Variants in MRTFA observed in about 807,000 individuals in gnomAD.
MRTFA encodes the protein myocardin-related transcription factor A.
A neutral mutation model predicts 83.5 loss-of-function variants in MRTFA; 20 were observed. The ratio of observed to expected loss-of-function variants is 0.24; its 90% CI spans 0.17 to 0.35. The LOEUF (loss-of-function observed/expected upper bound fraction) is 0.35, where lower values mean the gene tolerates loss of function less well. MRTFA is among the 10% of genes least tolerant of loss of function. The pLI, the probability that MRTFA is intolerant of heterozygous loss-of-function variation, is 1.00. For missense variants in MRTFA, 1,200 were observed against 1,224.7 expected (o/e 0.98, Z 0.30); for synonymous variants, 659 against 541.2 (o/e 1.22, Z -3.02).
intron 5 of MRTFA, among the ~76,000 whole-genome samples, chr22:40,434,528 G>A (rs889531153): frequency 1.6e-4 from 25 of 152,008 alleles, no homozygotes; most frequent in Non-Finnish European, 3.1e-4. Context: ...TTGAGACCAG[G>A]CTGGCCAACA....
intron 3 of MRTFA, among the ~76,000 whole-genome samples, chr22:40,535,231 T>C (rs1488860435): frequency 3.9e-5 from 6 of 152,112 alleles, no homozygotes; most frequent in Admixed American, 2.0e-4. Flanking sequence ...TGAGTCTACA[T>C]GACAGTCTGG....
chr22:40,464,507 TAA>T (rs571765005), intron 3 of MRTFA, among the ~76,000 whole-genome samples: 5 of 128,994 alleles, frequency 3.9e-5, no homozygotes, highest in East Asian at 2.2e-4. Flanking sequence ...AGACCCCGTC[TAA>T]AAAAAAAAAA....
intron 1 of MRTFA, among the ~76,000 whole-genome samples, chr22:40,599,586 G>A (rs1024526999): frequency 2.0e-5 from 3 of 152,070 alleles, no homozygotes; most frequent in African/African-American, 7.2e-5. Context: ...TAATTTAGGG[G>A]AAGAGAATGC....
chr22:40,451,559 CAA>C (rs764035436), intron 4 of MRTFA, among the ~76,000 whole-genome samples: 1 of 152,192 alleles, frequency 6.6e-6, no homozygotes, highest in Non-Finnish European at 1.5e-5. Context: ...CCCAAGAGTG[CAA>C]ACTGTTCCAG....
intron 1 of MRTFA, among the ~76,000 whole-genome samples, chr22:40,597,187 C>G (rs1201705075): frequency 6.6e-6 from 1 of 152,180 alleles, no homozygotes; most frequent in African/African-American, 2.4e-5. Context: ...AACAGGTGCT[C>G]ATTATATACT....
intron 1 of MRTFA, among the ~76,000 whole-genome samples, chr22:40,626,582 C>T (rs915402688): frequency 2.2e-4 from 34 of 152,128 alleles, no homozygotes; most frequent in African/African-American, 8.0e-4. Flanking sequence ...GCCCAGCCAA[C>T]CCTTACTTTT....
At chr22:40,493,869 G>T (rs2054308872) in intron 3 of MRTFA, among the ~76,000 whole-genome samples, 1 of 152,222 alleles carries the variant, frequency 6.6e-6, no homozygotes, top group Non-Finnish European at 1.5e-5. Context: ...ATTGTCTTTG[G>T]ATAATAGTGT....
chr22:40,624,120 A>G (rs2056553559), intron 1 of MRTFA, among the ~76,000 whole-genome samples: 2 of 152,140 alleles, frequency 1.3e-5, no homozygotes, highest in Non-Finnish European at 2.9e-5. Flanking sequence ...AAATTATTTC[A>G]ATTTAAAAAT....
intron 1 of MRTFA, among the ~76,000 whole-genome samples, chr22:40,627,793 A>G (rs115225922): frequency 0.013 from 1,950 of 152,250 alleles, 43 homozygotes; most frequent in African/African-American, 0.045. Flanking sequence ...AGCCTGGGGA[A>G]CACTGTGACA....
At chr22:40,463,308 G>A in intron 3 of MRTFA, 22 bp from the exon 4 acceptor site, 1 of 1,606,498 alleles carries the variant, frequency 6.2e-7, no homozygotes, top group Non-Finnish European at 8.5e-7. Context: ...CAGAGAGAGA[G>A]GAGAGATGAG....
chr22:40,473,374 G>C (rs540338729), intron 3 of MRTFA, among the ~76,000 whole-genome samples: 147 of 152,186 alleles, frequency 9.7e-4, no homozygotes, highest in Non-Finnish European at 1.6e-3. Context: ...GCCCAGACTG[G>C]TATCGAACTC....
chr22:40,466,339 A>G lies in MRTFA; in HGVS notation c.242-3053T>C, dbSNP rs768012465. Among the ~76,000 whole-genome samples the G allele has an allele frequency of 1.5e-3, 232 of 152,316 alleles. 1 individual carries two copies. Among genetic ancestry groups the G allele is most frequent in the Non-Finnish European group, 2.7e-3 (183 of 68,028 alleles). ...AATCCTTTAAAAAAGCCCTGTGAGG[A>G]TGCTACAGTTATTATCTCCATTTTA... is the stretch of plus-strand genomic sequence containing the variant. On this transcript the variant is annotated intron_variant, in intron 3 of 14. Coordinates refer to ENST00000355630, the MANE Select transcript of MRTFA (RefSeq NM_020831.6).
At chr22:40,576,258 T>A (rs902432365) in intron 2 of MRTFA, among the ~76,000 whole-genome samples, 1 of 152,158 alleles carries the variant, frequency 6.6e-6, no homozygotes, top group East Asian at 1.9e-4. Flanking sequence ...CTCAAACTCC[T>A]GACCTCAGGT....
chr22:40,494,746 C>G (rs1030850846), intron 3 of MRTFA, among the ~76,000 whole-genome samples: 1 of 151,296 alleles, frequency 6.6e-6, no homozygotes, highest in Non-Finnish European at 1.5e-5. Flanking sequence ...TTTAAAAACC[C>G]AATAAACTAT....
chr22:40,559,002 G>A (rs1389286123), intron 2 of MRTFA, among the ~76,000 whole-genome samples: 4 of 151,868 alleles, frequency 2.6e-5, no homozygotes, highest in Non-Finnish European at 5.9e-5. Context: ...GGCTGGTCTC[G>A]AACTCCTGAC....
At chr22:40,517,737 A>G (rs2054785476) in intron 3 of MRTFA, among the ~76,000 whole-genome samples, 1 of 152,192 alleles carries the variant, frequency 6.6e-6, no homozygotes, top group African/African-American at 2.4e-5. Context: ...TGTTATTCAT[A>G]ACAGGTCCCT....
intron 2 of MRTFA, among the ~76,000 whole-genome samples, chr22:40,577,466 C>T (rs189195301): frequency 1.1e-4 from 17 of 152,144 alleles, no homozygotes; most frequent in Admixed American, 1.0e-3. Context: ...AAATAAACCA[C>T]CATTTTCACT....
intron 3 of MRTFA, among the ~76,000 whole-genome samples, chr22:40,490,122 G>A (rs2147200253): frequency 6.6e-6 from 1 of 152,090 alleles, no homozygotes; most frequent in African/African-American, 2.4e-5. Flanking sequence ...TGATCAGATT[G>A]AAAATATGGA....
chr22:40,610,470 T>C (rs1330804306), intron 1 of MRTFA, among the ~76,000 whole-genome samples: 2 of 152,172 alleles, frequency 1.3e-5, no homozygotes, highest in African/African-American at 4.8e-5. Context: ...TGGACTCAGA[T>C]TGCTGCTGTA....
Sources: allele counts gnomAD v4.1 joint callset (sites outside exome capture counted in the v4.1 genomes callset), GRCh38; gene constraint gnomAD v4.1.1; transcripts MANE v1.5; gene names NCBI Gene and HGNC (gene_info 2026-07-23, HGNC 2026-07-21).